The following CNTNAP2 variants were observed in gnomAD, a reference collection of about 807,000 sequenced individuals.
CNTNAP2 encodes the protein contactin-associated protein-like 2.
CNTNAP2 carries 98 observed loss-of-function variants against 155.2 expected under a neutral mutation model. The ratio of observed to expected loss-of-function variants is 0.63; its 90% CI spans 0.54 to 0.75. The LOEUF is 0.75. Ranked by LOEUF, CNTNAP2 falls within the 30% of genes least tolerant of loss-of-function variation. The pLI, the probability that CNTNAP2 is intolerant of heterozygous loss-of-function variation, is 0.00. For synonymous variants in CNTNAP2, 651 were observed against 631.2 expected (o/e 1.03, Z -0.47); for missense variants, 1,727 against 1,688.1 (o/e 1.02, Z -0.40).
intron 14 of CNTNAP2, among the ~76,000 whole-genome samples, chr7:147,920,076 T>G (rs1410341016): frequency 6.6e-6 from 1 of 150,744 alleles, no homozygotes; most frequent in Non-Finnish European, 1.5e-5. Flanking sequence ...AAGTATGCCT[T>G]GGCCGGGCGC....
chr7:147,419,843 A>G (rs1797259574), intron 10 of CNTNAP2, among the ~76,000 whole-genome samples: 1 of 152,190 alleles, frequency 6.6e-6, no homozygotes, highest in Admixed American at 6.5e-5. Flanking sequence ...AAGTTCTAGA[A>G]TAGTTATAGA....
chr7:147,472,643 T>C (rs1194202834), intron 10 of CNTNAP2, among the ~76,000 whole-genome samples: 1 of 152,084 alleles, frequency 6.6e-6, no homozygotes, highest in Non-Finnish European at 1.5e-5. Flanking sequence ...TGGGTGGGGT[T>C]AGGAGGTTGA....
chr7:146,174,109 G>A (rs537260574), intron 1 of CNTNAP2, among the ~76,000 whole-genome samples: 2 of 152,014 alleles, frequency 1.3e-5, no homozygotes, highest in East Asian at 3.9e-4. Context: ...GGAAGCTAAA[G>A]CAGGAGGATT....
chr7:147,693,214 A>C (rs547387941), intron 13 of CNTNAP2, among the ~76,000 whole-genome samples: 1 of 152,146 alleles, frequency 6.6e-6, no homozygotes, highest in South Asian at 2.1e-4. Context: ...TATTTGTCTA[A>C]TCTTTTGCCA....
At chr7:147,295,762 C>A (rs1022620475) in intron 8 of CNTNAP2, among the ~76,000 whole-genome samples, 1 of 151,894 alleles carries the variant, frequency 6.6e-6, no homozygotes, top group African/African-American at 2.4e-5. Context: ...ATTTGGGGAC[C>A]CATTTTTATC....
chr7:147,346,409 C>T (rs1795864265), intron 9 of CNTNAP2, among the ~76,000 whole-genome samples: 1 of 152,048 alleles, frequency 6.6e-6, no homozygotes, highest in South Asian at 2.1e-4. Flanking sequence ...CCGCCTCGGC[C>T]TCCCAAAGTG....
intron 10 of CNTNAP2, among the ~76,000 whole-genome samples, chr7:147,410,219 T>G (rs576543114): frequency 8.8e-4 from 134 of 152,292 alleles, no homozygotes; most frequent in Admixed American, 2.7e-3. Context: ...TAACAAATAA[T>G]AAGATTATAT....
intron 3 of CNTNAP2, among the ~76,000 whole-genome samples, chr7:146,864,022 C>G (rs1411475475): frequency 1.3e-5 from 2 of 151,950 alleles, no homozygotes; most frequent in African/African-American, 4.8e-5. Context: ...TTAAAATGCT[C>G]TAAGTAACCT....
chr7:147,180,389 C>G (rs117167375), intron 8 of CNTNAP2, among the ~76,000 whole-genome samples: 1,681 of 152,182 alleles, frequency 0.011, 14 homozygotes, highest in Non-Finnish European at 0.017. Context: ...TATATCACAA[C>G]TCCAATTTAG....
chr7:146,947,092 C>T (rs988377732), intron 3 of CNTNAP2, among the ~76,000 whole-genome samples: 4 of 151,598 alleles, frequency 2.6e-5, no homozygotes, highest in East Asian at 1.9e-4. Context: ...AGTGCAGTGG[C>T]GTGACCTCAG....
chr7:147,538,368 T>C (rs1188161287), intron 11 of CNTNAP2, among the ~76,000 whole-genome samples: 1 of 152,132 alleles, frequency 6.6e-6, no homozygotes, highest in Non-Finnish European at 1.5e-5. Flanking sequence ...AAAAACACAT[T>C]AGGCCAAGTG....
rs553470058 is a variant in CNTNAP2, at chr7:147,662,474, G to C, written c.2098+23168G>C. On this transcript the variant is annotated intron_variant, in intron 13 of 23. Transcript: ENST00000361727. The stretch of plus-strand genomic sequence containing the variant: ...CAGATAAAACTACTTGGGAAATGTA[G>C]CTAAGCAAGATATAATTATCTAACT... 3.3e-4 allele frequency among the ~76,000 whole-genome samples: 50 copies of C among 152,312 alleles called. No homozygotes were observed. In the South Asian group the frequency reaches 5.4e-3, roughly 16 times the overall value.
intron 3 of CNTNAP2, among the ~76,000 whole-genome samples, chr7:146,878,083 G>C (rs1212024519): frequency 6.6e-6 from 1 of 152,018 alleles, no homozygotes; most frequent in Non-Finnish European, 1.5e-5. Flanking sequence ...GTTTATTCAT[G>C]GGCCAACGTC....
At position 148,070,132 on chromosome 7, in the gene CNTNAP2, T is replaced by C. The variant is rs1803353654; in HGVS notation, c.2384-47986T>C. On this transcript the variant is annotated intron_variant, in intron 15 of 23. Coordinates refer to ENST00000361727, the MANE Select transcript of CNTNAP2 (RefSeq NM_014141.6). ...TCTGCTAAGAATATCAGTCTTATCATGTTTAGTTCTCTGGCTTAAAGTCCA... is the reference window on the plus strand; with the variant it reads ...TCTGCTAAGAATATCAGTCTTATCACGTTTAGTTCTCTGGCTTAAAGTCCA... Among the ~76,000 whole-genome samples, 2 of 152,242 alleles carry C rather than the reference T, an allele frequency of 1.3e-5. 1 individual carries two copies. Among genetic ancestry groups the C allele is most frequent in the South Asian group, 4.1e-4 (2 of 4,834 alleles).
At chr7:147,939,218 C>G (rs1800670546) in intron 14 of CNTNAP2, among the ~76,000 whole-genome samples, 1 of 152,062 alleles carries the variant, frequency 6.6e-6, no homozygotes, top group South Asian at 2.1e-4. Flanking sequence ...AAGAGGGAAG[C>G]TGATAGTATT....
intron 14 of CNTNAP2, among the ~76,000 whole-genome samples, chr7:147,925,154 A>AGAAGGAAGGAAGGAAGGAAG (rs144682428): frequency 3.0e-4 from 19 of 63,342 alleles, no homozygotes; most frequent in South Asian, 8.7e-4. Flanking sequence ...AGAGAGAGAG[A>AGAAGGAAGGAAGGAAGGAAG]GAAGGAAGGA....
At chr7:148,366,342 A>G (rs1411384724) in intron 21 of CNTNAP2, among the ~76,000 whole-genome samples, 1 of 124,050 alleles carries the variant, frequency 8.1e-6, no homozygotes, top group Non-Finnish European at 1.8e-5. Context: ...TGTCAAGCAT[A>G]ATGTCAGAAT....
chr7:146,245,276 C>G (rs1302525922), intron 1 of CNTNAP2, among the ~76,000 whole-genome samples: 2 of 151,842 alleles, frequency 1.3e-5, no homozygotes, highest in African/African-American at 4.8e-5. Context: ...GATTGAAGTC[C>G]GGGCCAGGAA....
chr7:146,527,543 AG>A (rs1057173095), intron 1 of CNTNAP2, among the ~76,000 whole-genome samples: 4 of 150,126 alleles, frequency 2.7e-5, no homozygotes, highest in Non-Finnish European at 4.4e-5. Flanking sequence ...GGGTATATAT[AG>A]ACCAAAAATA....
Sources: allele counts gnomAD v4.1 joint callset (sites outside exome capture counted in the v4.1 genomes callset), GRCh38; gene constraint gnomAD v4.1.1; transcripts MANE v1.5; gene names NCBI Gene and HGNC (gene_info 2026-07-23, HGNC 2026-07-21).